Variants in MTHFD2L observed in about 807,000 individuals in gnomAD.
MTHFD2L encodes methylenetetrahydrofolate dehydrogenase (NADP+ dependent) 2 like.
A neutral mutation model predicts 34.9 loss-of-function variants in MTHFD2L; 29 were observed. That is an observed-to-expected ratio of 0.83 (90% CI 0.62 to 1.13). MTHFD2L has a LOEUF of 1.13. MTHFD2L is among the 50% of genes most tolerant of loss of function. The probability of loss-of-function intolerance (pLI) is 0.00; values close to 1 mark genes in which losing one functional copy is unlikely to be tolerated. For missense variants in MTHFD2L, 481 were observed against 446.5 expected (o/e 1.08, Z -0.70); for synonymous variants, 167 against 155.7 (o/e 1.07, Z -0.54).
intron 3 of MTHFD2L, among the ~76,000 whole-genome samples, chr4:74,180,324 A>G (rs1729893180): frequency 6.6e-6 from 1 of 152,142 alleles, no homozygotes; most frequent in Admixed American, 6.6e-5. Context: ...ATCTCATAAG[A>G]CTGTTATAAT....
At chr4:74,290,121 A>G (rs1174280659) in intron 7 of MTHFD2L, among the ~76,000 whole-genome samples, 1 of 152,212 alleles carries the variant, frequency 6.6e-6, no homozygotes, top group Non-Finnish European at 1.5e-5. Flanking sequence ...AAGAATCTCC[A>G]CCAGGCAGGA....
intron 1 of MTHFD2L, among the ~76,000 whole-genome samples, chr4:74,173,387 C>T (rs913831776): frequency 1.3e-5 from 2 of 152,130 alleles, no homozygotes; most frequent in Non-Finnish European, 2.9e-5. Flanking sequence ...AAGTAATCTT[C>T]TGTGGAAACT....
chr4:74,270,250 A>T (rs1745788124), intron 6 of MTHFD2L, among the ~76,000 whole-genome samples: 1 of 152,000 alleles, frequency 6.6e-6, no homozygotes, highest in Non-Finnish European at 1.5e-5. Context: ...TACATGTGCC[A>T]TGTGGGTGTG....
chr4:74,283,447 T>C (rs1446766973), intron 7 of MTHFD2L, among the ~76,000 whole-genome samples: 2 of 152,224 alleles, frequency 1.3e-5, no homozygotes, highest in South Asian at 2.1e-4. Flanking sequence ...TCTAAGTATA[T>C]ATAAAAATTT....
At chr4:74,125,922 G>A (rs1384583553) in intron 1 of MTHFD2L, among the ~76,000 whole-genome samples, 1 of 152,142 alleles carries the variant, frequency 6.6e-6, no homozygotes, top group Non-Finnish European at 1.5e-5. Flanking sequence ...AAAACTCGAA[G>A]TGAATAAAAG....
intron 3 of MTHFD2L, among the ~76,000 whole-genome samples, chr4:74,189,510 T>TTTTTTTTA (rs1732086338): frequency 1.0e-5 from 1 of 97,262 alleles, no homozygotes; most frequent in Admixed American, 1.3e-4. Flanking sequence ...TTTTTTTTTT[T>TTTTTTTTA]AAAGATTAAT....
chr4:74,190,021 C>G (rs1732188469), intron 3 of MTHFD2L, among the ~76,000 whole-genome samples: 1 of 152,056 alleles, frequency 6.6e-6, no homozygotes, highest in African/African-American at 2.4e-5. Context: ...GAAAAGGTAC[C>G]TTTTAGTCAG....
intron 3 of MTHFD2L, 69 bp downstream of exon 3, chr4:74,175,472 A>T: frequency 7.0e-7 from 1 of 1,437,560 alleles, no homozygotes; most frequent in Non-Finnish European, 9.5e-7. Flanking sequence ...TCAACATCAT[A>T]TTATGATACT....
chr4:74,269,641 T>C (rs1745713358), intron 6 of MTHFD2L, among the ~76,000 whole-genome samples: 1 of 152,126 alleles, frequency 6.6e-6, no homozygotes, highest in Non-Finnish European at 1.5e-5. Context: ...TGTCTGCTGA[T>C]GGACCAGCAT....
intron 5 of MTHFD2L, among the ~76,000 whole-genome samples, chr4:74,218,474 G>T (rs548313965): frequency 6.6e-6 from 1 of 152,070 alleles, no homozygotes; most frequent in Non-Finnish European, 1.5e-5. Context: ...TGCAAGTTTT[G>T]CAAGGGCGCG....
intron 6 of MTHFD2L, among the ~76,000 whole-genome samples, chr4:74,252,164 C>T (rs893987635): frequency 7.9e-5 from 12 of 152,224 alleles, no homozygotes; most frequent in Non-Finnish European, 1.3e-4. Flanking sequence ...ATATAGCTTG[C>T]GGCTCCTGCA....
chr4:74,175,297 C>A lies in MTHFD2L; in HGVS notation c.345C>A (p.Leu115=), dbSNP rs1372892627. 6.2e-7 allele frequency: 1 copy of A among 1,612,814 alleles called. No individual in the cohort carries two copies. ...TTCTTCTAGGTATTTGTAGTGAGCTCATTCTAAAACCTAAGGATGTTTCTC... is the reference window on the plus strand; with the variant it reads ...TTCTTCTAGGTATTTGTAGTGAGCTAATTCTAAAACCTAAGGATGTTTCTC... ...AASAVGICSE[L]ILKPKDVSQE... is the part of the protein sequence containing the mutation. The change falls in exon 3 of 8, where the codon CTC becomes CTA. Residue 115 remains leucine (L), a synonymous_variant. Coordinates refer to ENST00000325278, the MANE Select transcript of MTHFD2L (RefSeq NM_001144978.3).
At chr4:74,134,394 T>A (rs1722758686) in intron 1 of MTHFD2L, among the ~76,000 whole-genome samples, 1 of 152,114 alleles carries the variant, frequency 6.6e-6, no homozygotes, top group Non-Finnish European at 1.5e-5. Context: ...GGACAGGCAG[T>A]GCCATGGCCA....
At chr4:74,203,359 T>C (rs1734765784) in intron 5 of MTHFD2L, among the ~76,000 whole-genome samples, 1 of 152,150 alleles carries the variant, frequency 6.6e-6, no homozygotes, top group Non-Finnish European at 1.5e-5. Context: ...ATAAAGATAG[T>C]GATTCTTATT....
At chr4:74,141,642 C>T (rs955881553) in intron 1 of MTHFD2L, among the ~76,000 whole-genome samples, 3 of 152,208 alleles carry the variant, frequency 2.0e-5, no homozygotes, top group Admixed American at 6.5e-5. Flanking sequence ...TCTTGTCACT[C>T]ACTTGATCTC....
chr4:74,299,401 CAGCAGT>C (rs760547709), intron 7 of MTHFD2L, among the ~76,000 whole-genome samples: 1,594 of 151,672 alleles, frequency 0.011, 28 homozygotes, highest in African/African-American at 0.033. Flanking sequence ...GCAGCAGCAG[CAGCAGT>C]AGCAGTAGCA....
chr4:74,278,355 C>T (rs552166967), intron 6 of MTHFD2L, among the ~76,000 whole-genome samples: 3 of 152,170 alleles, frequency 2.0e-5, no homozygotes, highest in East Asian at 3.9e-4. Context: ...CATTTGTTCC[C>T]ATTCAGATTC....
At chr4:74,136,531 T>G (rs1323524189) in intron 1 of MTHFD2L, among the ~76,000 whole-genome samples, 1 of 152,102 alleles carries the variant, frequency 6.6e-6, no homozygotes, top group East Asian at 1.9e-4. Context: ...GACTTAATAT[T>G]GTTAATATGA....
At chr4:74,232,276 G>T (rs1740183319) in intron 6 of MTHFD2L, among the ~76,000 whole-genome samples, 1 of 152,132 alleles carries the variant, frequency 6.6e-6, no homozygotes, top group Admixed American at 6.5e-5. Context: ...ATCAGCACTT[G>T]TTCATAGATG....
Sources: gnomAD v4.1 joint callset for allele counts (sites outside exome capture counted in the v4.1 genomes callset) on GRCh38, gnomAD v4.1.1 for gene constraint, MANE v1.5 for transcripts, NCBI Gene and HGNC (gene_info 2026-07-23, HGNC 2026-07-21) for gene names.